Variants in BCL11B observed in about 807,000 individuals in gnomAD.
BCL11B encodes BCL11 transcription factor B.
BCL11B carries 8 observed loss-of-function variants against 49.9 expected under a neutral mutation model. The observed-to-expected ratio is 0.16, with a 90% CI of 0.09 to 0.29. The LOEUF is 0.29. BCL11B is among the 10% of genes least tolerant of loss of function. The pLI, the probability that BCL11B is intolerant of heterozygous loss-of-function variation, is 1.00. For synonymous variants in BCL11B, 739 were observed against 637.4 expected (o/e 1.16, Z -2.40); for missense variants, 1,006 against 1,351.0 (o/e 0.74, Z 4.00).
At chr14:99,256,923 A>G (rs1383901967) in intron 2 of BCL11B, among the ~76,000 whole-genome samples, 1 of 152,060 alleles carries the variant, frequency 6.6e-6, no homozygotes, top group East Asian at 1.9e-4. Flanking sequence ...CATTTCACAC[A>G]TGGGAAACTG....
chr14:99,259,155 G>A (rs530819787), intron 1 of BCL11B, among the ~76,000 whole-genome samples: 25 of 152,292 alleles, frequency 1.6e-4, no homozygotes, highest in African/African-American at 5.8e-4. Flanking sequence ...AAGCCAGAGG[G>A]CAGCCAAAGG....
intron 1 of BCL11B, among the ~76,000 whole-genome samples, chr14:99,260,452 T>G (rs948190426): frequency 6.6e-6 from 1 of 152,186 alleles, no homozygotes; most frequent in Non-Finnish European, 1.5e-5. Flanking sequence ...GAGTAGGAGT[T>G]CTAGCAAGCC....
chr14:99,169,996 G>C lies in BCL11B; in HGVS notation c.*4155C>G, dbSNP rs138172140. On this transcript the variant is annotated 3_prime_UTR_variant, in exon 4 of 4. Coordinates refer to ENST00000357195, the MANE Select transcript of BCL11B (RefSeq NM_138576.4). ...TCTCGGGATCATCTGCTTCCGTGTTGGTTTTTTAAACACAAAACAGAAGCA... is the reference window on the plus strand; with the variant it reads ...TCTCGGGATCATCTGCTTCCGTGTTCGTTTTTTAAACACAAAACAGAAGCA... 5 of 228,492 alleles carry C rather than the reference G, an allele frequency of 2.2e-5. No individual in the cohort carries two copies. The highest frequency in any genetic ancestry group is 4.4e-5 in the Non-Finnish European group (5 of 114,936). 14.2% of individuals were successfully genotyped at this position (228,492 alleles called of 1,614,324 possible).
intron 3 of BCL11B, among the ~76,000 whole-genome samples, chr14:99,207,967 G>A (rs2693689): frequency 0.12 from 18,850 of 152,220 alleles, 1,942 homozygotes; most frequent in African/African-American, 0.29. Flanking sequence ...CCACACCAGC[G>A]GAGCAGCATT....
At chr14:99,229,759 C>A (rs1404608253) in intron 3 of BCL11B, among the ~76,000 whole-genome samples, 1 of 152,132 alleles carries the variant, frequency 6.6e-6, no homozygotes, top group African/African-American at 2.4e-5. Context: ...AACACTCAGG[C>A]TGATCTTCGA....
chr14:99,192,869 GTGAA>G lies in BCL11B; in HGVS notation c.641-16678_641-16675del, dbSNP rs10553108. 0.65 allele frequency among the ~76,000 whole-genome samples: 98,771 copies of G among 151,196 alleles called. 32,446 individuals carry two copies. Among genetic ancestry groups the G allele is most frequent in the South Asian group, 0.69 (3,316 of 4,772 alleles). On this transcript the variant is annotated intron_variant, in intron 3 of 3. Transcript: ENST00000357195. This position sits in a 1 kb window ranked among gnomAD's most constrained non-coding sequence, Gnocchi z 4.0. ...TATTTAATGATCAAAATGTAAATGAGTGAATGAATGAATGAATGAATGAATGAGT... is the reference window on the plus strand; with the variant it reads ...TATTTAATGATCAAAATGTAAATGAGTGAATGAATGAATGAATGAATGAGT...
At chr14:99,196,444 C>G (rs768996603) in intron 3 of BCL11B, among the ~76,000 whole-genome samples, 70 of 152,222 alleles carry the variant, frequency 4.6e-4, no homozygotes, top group Non-Finnish European at 9.1e-4. Flanking sequence ...CTCCCCTTCC[C>G]CTCCTGAGCC....
chr14:99,252,878 A>G (rs1414979512), intron 2 of BCL11B, among the ~76,000 whole-genome samples: 1 of 152,236 alleles, frequency 6.6e-6, no homozygotes, highest in Non-Finnish European at 1.5e-5. Flanking sequence ...GTGACTATCA[A>G]GTGAGAATTA....
chr14:99,218,061 GTTTTTT>G (rs35487573), intron 3 of BCL11B, among the ~76,000 whole-genome samples: 1 of 116,920 alleles, frequency 8.6e-6, no homozygotes, highest in African/African-American at 3.2e-5. Context: ...ATCATTGCAG[GTTTTTT>G]TTTTTTTTTT....
chr14:99,258,099 C>T (rs1889227374), intron 1 of BCL11B, among the ~76,000 whole-genome samples: 1 of 152,216 alleles, frequency 6.6e-6, no homozygotes, highest in Non-Finnish European at 1.5e-5. Context: ...TTACTGCATT[C>T]TAGTTTATTT....
At position 99,176,314 on chromosome 14, in the gene BCL11B, C is replaced by G. The variant is rs901905382; in HGVS notation, c.641-119G>C. On this transcript the variant is annotated intron_variant, in intron 3 of 3. Coordinates refer to ENST00000357195, the MANE Select transcript of BCL11B (RefSeq NM_138576.4). ...CGGGCTGATCCGGGATCCCAGTGCC[C>G]TGCCTGACAGGGGCTGCAGGGCCGC... 119 of 925,192 alleles carry G rather than the reference C, an allele frequency of 1.3e-4. 1 individual carries two copies. Among genetic ancestry groups the G allele is most frequent in the Non-Finnish European group, 1.8e-4 (112 of 639,868 alleles). 57.3% of individuals were successfully genotyped at this position (925,192 alleles called of 1,614,324 possible). A position where few individuals can be genotyped will look rare whatever the true frequency, so the allele number is the denominator to read the frequency against.
chr14:99,191,674 C>A, intron 3 of BCL11B, among the ~76,000 whole-genome samples: 1 of 151,066 alleles, frequency 6.6e-6, no homozygotes. Flanking sequence ...GCAGAGGGGG[C>A]AGGGGGACTG....
At chr14:99,271,140 G>A in intron 1 of BCL11B, 21 bp downstream of exon 1, 1 of 1,539,556 alleles carries the variant, frequency 6.5e-7, no homozygotes. Context: ...GGCCCCTCGC[G>A]CGCACTCCGC....
intron 3 of BCL11B, among the ~76,000 whole-genome samples, chr14:99,182,528 T>C (rs1390197689): frequency 1.3e-5 from 2 of 152,208 alleles, no homozygotes; most frequent in African/African-American, 4.8e-5. Context: ...TTGGCTAGAA[T>C]TGCAGTAACT....
chr14:99,234,521 A>G (rs1318643923), intron 2 of BCL11B, among the ~76,000 whole-genome samples: 1 of 152,174 alleles, frequency 6.6e-6, no homozygotes, highest in African/African-American at 2.4e-5. Flanking sequence ...CACAGCCTTG[A>G]GGACCGAGAG....
intron 1 of BCL11B, among the ~76,000 whole-genome samples, chr14:99,269,646 G>A (rs1171978447): frequency 6.6e-6 from 1 of 151,660 alleles, no homozygotes; most frequent in East Asian, 1.9e-4. Context: ...GGGGAGGGGA[G>A]AACCACTTTA....
At chr14:99,263,595 C>G (rs182350239) in intron 1 of BCL11B, among the ~76,000 whole-genome samples, 1 of 152,218 alleles carries the variant, frequency 6.6e-6, no homozygotes, top group African/African-American at 2.4e-5. Flanking sequence ...TCCCTGTGTA[C>G]AGATTGTTTG....
rs2139743592 is a variant in BCL11B, at chr14:99,170,969, C to T, written c.*3182G>A. 1 of 232,668 alleles carries T rather than the reference C, an allele frequency of 4.3e-6. No individual in the cohort carries two copies. 14.4% of individuals were successfully genotyped at this position (232,668 alleles called of 1,614,324 possible). A position where few individuals can be genotyped will look rare whatever the true frequency, so the allele number is the denominator to read the frequency against. On this transcript the variant is annotated 3_prime_UTR_variant, in exon 4 of 4. Coordinates refer to ENST00000357195, the MANE Select transcript of BCL11B (RefSeq NM_138576.4). ...GGAGAGGTGGTGGTGGTGACCGCCA[C>T]AGGAGTGATGGTAGAGAAGGAAGAT...
Position 99,231,126 on chromosome 14 carries a change from T to C in BCL11B, c.640+219A>G, listed in dbSNP as rs1393137011. 6.6e-6 allele frequency among the ~76,000 whole-genome samples: 1 copy of C among 152,074 alleles called. No individual in the cohort carries two copies. Among genetic ancestry groups the C allele is most frequent in the African/African-American group, 2.4e-5 (1 of 41,384 alleles). On this transcript the variant is annotated intron_variant, in intron 3 of 3. Coordinates refer to ENST00000357195, the MANE Select transcript of BCL11B (RefSeq NM_138576.4). This position sits in a 1 kb window ranked among gnomAD's most constrained non-coding sequence, Gnocchi z 8.1. ...GGAATGCATTCTGGGAGCAAGACTC[T>C]CAGAACGGGTGGGGGCACCGTGGGG... is the stretch of plus-strand genomic sequence containing the variant.
Sources: allele counts gnomAD v4.1 joint callset (sites outside exome capture counted in the v4.1 genomes callset), GRCh38; gene constraint gnomAD v4.1.1; non-coding constraint Gnocchi (gnomAD v3.1); transcripts MANE v1.5; gene names NCBI Gene and HGNC (gene_info 2026-07-23, HGNC 2026-07-21).